Variants in PCM1 observed in about 807,000 individuals in gnomAD.
PCM1 encodes the protein pericentriolar material 1 protein.
A neutral mutation model predicts 241.9 loss-of-function variants in PCM1; 157 were observed. The ratio of observed to expected loss-of-function variants is 0.65; its 90% confidence interval spans 0.57 to 0.74. PCM1 has a LOEUF of 0.74. Among genes scored for constraint, PCM1 ranks in the 30% least tolerant of loss-of-function variants. The pLI is 0.00. For synonymous variants in PCM1, 1,085 were observed against 784.9 expected (o/e 1.38, Z -6.39); for missense variants, 3,478 against 2,360.1 (o/e 1.47, Z -9.81).
chr8:18,023,523 T>A lies in PCM1; in HGVS notation c.5842-1838T>A, dbSNP rs75688758. ...GTCTCACTGGAACTCCAGTAGAAGT[T>A]TAGCTGCTCACAGGGATGAGCTTTG... is the stretch of plus-strand genomic sequence containing the variant. On this transcript the variant is annotated intron_variant, in intron 36 of 38. Transcript: ENST00000325083. Among the ~76,000 whole-genome samples, 185 of 152,300 alleles carry A rather than the reference T, an allele frequency of 1.2e-3. 2 individuals are homozygous for A. In the East Asian group the frequency reaches 0.026, roughly 21 times the overall value.
chr8:18,004,877 G>A (rs563284290), intron 29 of PCM1, among the ~76,000 whole-genome samples: 1 of 152,254 alleles, frequency 6.6e-6, no homozygotes, highest in African/African-American at 2.4e-5. Context: ...TTACTAAGCC[G>A]TGTCCTACCC....
At chr8:17,926,604 A>C (rs1388031369) in intron 2 of PCM1, 1 of 152,330 alleles carries the variant, frequency 6.6e-6, no homozygotes, top group Non-Finnish European at 1.5e-5. Flanking sequence ...AGCAGAGAAA[A>C]CAGACAGTGG....
chr8:17,980,388 T>A, intron 23 of PCM1: 1 of 409,300 alleles, frequency 2.4e-6, no homozygotes, highest in Non-Finnish European at 4.3e-6. Flanking sequence ...CAGTGAAGGT[T>A]AGATTTATTA....
chr8:17,949,274 A>G (rs902123425), intron 7 of PCM1, among the ~76,000 whole-genome samples: 1 of 152,150 alleles, frequency 6.6e-6, no homozygotes, highest in Non-Finnish European at 1.5e-5. Context: ...AATCTAGTAT[A>G]TGAGACATTA....
Position 17,993,485 on chromosome 8 carries a change from A to G in PCM1, c.4693A>G (p.Thr1565Ala). ...AGTTVNNLEE[T>A]PVIENRSSQQ... ...TGTATTTTCTTTTTAAAAATTAGAA[A>G]CTCCCGTTATTGAAAATCGTAGTTC... is the stretch of plus-strand genomic sequence containing the variant. Residue 1565 changes from threonine (T) to alanine (A), a missense_variant and splice_region_variant, in exon 29 of 39, where the codon ACT becomes GCT. By Grantham distance (58) the Thr-to-Ala change is moderately conservative. Coordinates refer to ENST00000325083, the MANE Select transcript of PCM1 (RefSeq NM_006197.4). 1.3e-6 allele frequency: 2 copies of G among 1,553,732 alleles called. No individual in the cohort carries two copies. The highest frequency in any genetic ancestry group is 1.7e-6 in the Non-Finnish European group (2 of 1,151,178).
intron 38 of PCM1, among the ~76,000 whole-genome samples, chr8:18,027,388 GTTTTC>G (rs2094312520): frequency 6.6e-6 from 1 of 151,760 alleles, no homozygotes. Context: ...TTCTATAGTT[GTTTTC>G]TTTTCATAGT....
chr8:17,932,349 T>C (rs576367603), intron 2 of PCM1, among the ~76,000 whole-genome samples: 9 of 152,168 alleles, frequency 5.9e-5, no homozygotes, highest in Non-Finnish European at 1.3e-4. Context: ...TGATACAGTA[T>C]TGCCAAAATG....
At chr8:17,964,458 A>G in intron 17 of PCM1, 110 bp from the exon 18 acceptor site, 1 of 729,014 alleles carries the variant, frequency 1.4e-6, no homozygotes, top group African/African-American at 1.8e-5. Context: ...ATGAAATTTT[A>G]TATACAGACA....
intron 29 of PCM1, among the ~76,000 whole-genome samples, chr8:17,998,588 A>T (rs2087890796): frequency 6.6e-6 from 1 of 152,168 alleles, no homozygotes; most frequent in African/African-American, 2.4e-5. Context: ...GTGACTTACC[A>T]CTGTGACTGT....
intron 7 of PCM1, among the ~76,000 whole-genome samples, chr8:17,948,548 C>T (rs987133186): frequency 1.3e-5 from 2 of 152,036 alleles, no homozygotes; most frequent in East Asian, 1.9e-4. Flanking sequence ...TGTGATCTGC[C>T]CGCCTTGGCC....
At chr8:17,998,153 T>C (rs534102488) in intron 29 of PCM1, among the ~76,000 whole-genome samples, 79 of 152,360 alleles carry the variant, frequency 5.2e-4, no homozygotes, top group Middle Eastern at 3.4e-3. Context: ...CTCTCCAGGA[T>C]TGGCCACTGG....
intron 33 of PCM1, 98 bp from the exon 34 acceptor site, chr8:18,011,569 A>G (rs2092515595): frequency 4.2e-6 from 5 of 1,178,086 alleles, no homozygotes; most frequent in Non-Finnish European, 5.9e-6. Context: ...CAGATACTGT[A>G]TATAAAGCAT....
At chr8:17,976,579 C>T (rs62498185) in intron 23 of PCM1, among the ~76,000 whole-genome samples, 19,031 of 152,232 alleles carry the variant, frequency 0.13, 1,569 homozygotes, top group East Asian at 0.37. Flanking sequence ...TCTGCCAAGA[C>T]AGCTTGCACT....
At position 18,009,557 on chromosome 8, in the gene PCM1, CA is replaced by C; in HGVS notation, c.4977del (p.Lys1659AsnfsTer7). 1.3e-6 allele frequency: 2 copies of C among 1,595,392 alleles called. No homozygotes were observed. The highest frequency in any genetic ancestry group is 8.5e-7 in the Non-Finnish European group (1 of 1,169,808). On this transcript the variant is annotated frameshift_variant, in exon 31 of 39. Coordinates refer to ENST00000325083, the MANE Select transcript of PCM1 (RefSeq NM_006197.4). LOFTEE classifies it high-confidence loss of function. ...TTTATCTTTGAATAGGATTCACTGG[CA>C]AAATTTGCTGGCAGAAAACTGAAAG... Reference protein sequence around the residue: ...QLGSILQDSLAKFAGRKLKDC... With the variant: ...QLGSILQDSLXKFAGRKLKDC...
chr8:17,981,567 A>G (rs1213955020), intron 24 of PCM1, among the ~76,000 whole-genome samples: 1 of 152,198 alleles, frequency 6.6e-6, no homozygotes. Flanking sequence ...ACATTAGACT[A>G]TAGTGGATAG....
chr8:17,989,864 T>G lies in PCM1; in HGVS notation c.4416T>G (p.Thr1472=), dbSNP rs2083915139. 21 of 1,537,866 alleles carry G rather than the reference T, an allele frequency of 1.4e-5. No homozygotes were observed. The highest frequency in any genetic ancestry group is 1.8e-5 in the Non-Finnish European group (21 of 1,137,220). ...SESLATTDDE[T]FEKNFERETH... Reference sequence around the variant, plus strand: ...TTTGTTTTACTGTAACTTAGGAAACTTTTGAGAAGAACTTTGAAAGAGAAA... The same window carrying G: ...TTTGTTTTACTGTAACTTAGGAAACGTTTGAGAAGAACTTTGAAAGAGAAA... Residue 1472 remains threonine (T), a synonymous_variant, in exon 27 of 39, where the codon ACT becomes ACG. Coordinates refer to ENST00000325083, the MANE Select transcript of PCM1 (RefSeq NM_006197.4).
chr8:17,930,209 T>C (rs952838852), intron 2 of PCM1, among the ~76,000 whole-genome samples: 1 of 150,138 alleles, frequency 6.7e-6, no homozygotes, highest in African/African-American at 2.4e-5. Flanking sequence ...GTTCACACCA[T>C]TCTGCCTCAG....
At chr8:17,962,345 A>C in intron 16 of PCM1, 171 bp downstream of exon 16, 1 of 332,320 alleles carries the variant, frequency 3.0e-6, no homozygotes, top group Non-Finnish European at 5.4e-6. Context: ...AGATTATAAT[A>C]ATATAAGAAA....
intron 7 of PCM1, among the ~76,000 whole-genome samples, chr8:17,947,924 C>T (rs1340299047): frequency 3.3e-5 from 5 of 152,140 alleles, no homozygotes; most frequent in African/African-American, 9.7e-5. Flanking sequence ...TCCTCATAGC[C>T]ATGTGTGAAT....
Sources: allele counts gnomAD v4.1 joint callset (sites outside exome capture counted in the v4.1 genomes callset), GRCh38; gene constraint gnomAD v4.1.1; transcripts MANE v1.5; gene names NCBI Gene and HGNC (gene_info 2026-07-23, HGNC 2026-07-21).